Variants in NT5DC3 observed in about 807,000 individuals in gnomAD.
The protein encoded by NT5DC3 is 5'-nucleotidase domain containing 3.
In NT5DC3, 42 loss-of-function variants were observed where a neutral mutation model predicts 67.8. The observed-to-expected ratio is 0.62, with a 90% CI of 0.48 to 0.80. NT5DC3 has a LOEUF of 0.80. Ranked by LOEUF, NT5DC3 falls within the 30% of genes least tolerant of loss-of-function variation. The probability of loss-of-function intolerance (pLI) is 0.00; values close to 1 mark genes in which losing one functional copy is unlikely to be tolerated. For missense variants in NT5DC3, 570 were observed against 696.4 expected (o/e 0.82, Z 2.04); for synonymous variants, 237 against 255.6 (o/e 0.93, Z 0.69).
intron 5 of NT5DC3, 91 bp from the exon 6 acceptor site, chr12:103,797,122 C>A: frequency 7.5e-7 from 1 of 1,334,630 alleles, no homozygotes; most frequent in Non-Finnish European, 1.1e-6. Flanking sequence ...AAGCCTTTTC[C>A]GTGACTAAAC....
At chr12:103,758,847 C>T in the NT5DC3 span, among the ~76,000 whole-genome samples, 1 of 152,044 alleles carries the variant, frequency 6.6e-6, no homozygotes, top group South Asian at 2.1e-4. Flanking sequence ...CCACCAGCCA[C>T]CTGAGGGCTG....
the NT5DC3 span, among the ~76,000 whole-genome samples, chr12:103,747,267 T>G: frequency 6.6e-5 from 10 of 152,338 alleles, 1 homozygote; most frequent in Admixed American, 2.0e-4. Context: ...TATCCCTCTA[T>G]AGTAGTTAGG....
chr12:103,755,178 G>A, the NT5DC3 span: 1 of 1,331,302 alleles, frequency 7.5e-7, no homozygotes, highest in Non-Finnish European at 1.0e-6. Context: ...CAGGCACAGA[G>A]GTGCAATAGG....
At chr12:103,804,265 C>A (rs1296268653) in intron 4 of NT5DC3, among the ~76,000 whole-genome samples, 1 of 152,130 alleles carries the variant, frequency 6.6e-6, no homozygotes, top group African/African-American at 2.4e-5. Flanking sequence ...GACATTTCCA[C>A]AAGACACTGG....
downstream of NT5DC3, chr12:103,770,317 A>G (rs1885152529): frequency 6.6e-6 from 1 of 152,258 alleles, no homozygotes; most frequent in African/African-American, 2.4e-5. Context: ...TTACAATAAA[A>G]TACATACTTG....
Position 103,793,196 on chromosome 12 carries a change from A to C in NT5DC3, c.987T>G (p.Ala329=). The change falls in exon 9 of 14, where the codon GCT becomes GCG. Residue 329 remains alanine, a synonymous_variant. Coordinates refer to ENST00000392876, the MANE Select transcript of NT5DC3 (RefSeq NM_001031701.3). ...TATCATTAAAGAAGTTTGGCTTCTC[A>C]GCCTGAACAATGACCACATCGAACA... ...RDLFDVVIVQ[A]EKPNFFNDKR... 1 of 1,606,954 alleles carries C rather than the reference A, an allele frequency of 6.2e-7. No individual in the cohort carries two copies. The highest frequency in any genetic ancestry group is 8.5e-7 in the Non-Finnish European group (1 of 1,178,536).
chr12:103,785,556 C>T, intron 11 of NT5DC3, 81 bp from the exon 12 acceptor site: 1 of 1,395,212 alleles, frequency 7.2e-7, no homozygotes, highest in African/African-American at 1.4e-5. Flanking sequence ...ACATGAGAGG[C>T]ATTCATTTAA....
rs148989906 is a variant in NT5DC3, at chr12:103,773,445, A to G, written c.*4384T>C. The G allele has an allele frequency of 1.6e-4, 24 of 152,328 alleles. 1 individual carries two copies. The East Asian group carries it at 4.6e-3, about 29-fold the overall frequency. 9.4% of individuals were successfully genotyped at this position (152,328 alleles called of 1,614,324 possible). A position where few individuals can be genotyped will look rare whatever the true frequency, so the allele number is the denominator to read the frequency against. On this transcript the variant is annotated 3_prime_UTR_variant, in exon 14 of 14. Coordinates refer to ENST00000392876, the MANE Select transcript of NT5DC3 (RefSeq NM_001031701.3). ...TCAAAGGTTAGCTGAACTTTGAGCT[A>G]AGCTCCTAAATGACACTAGTAGTGT...
chr12:103,791,880 AAC>A (rs1351806892), intron 9 of NT5DC3, among the ~76,000 whole-genome samples: 10 of 152,210 alleles, frequency 6.6e-5, no homozygotes, highest in Non-Finnish European at 1.5e-5. Flanking sequence ...TCTCAGGTAG[AAC>A]AGTTTCATCC....
intron 6 of NT5DC3, among the ~76,000 whole-genome samples, chr12:103,794,524 C>A (rs149591015): frequency 1.3e-5 from 2 of 152,174 alleles, no homozygotes; most frequent in African/African-American, 4.8e-5. Flanking sequence ...ATTTCCAATG[C>A]AATTTTCAAA....
downstream of NT5DC3, chr12:103,766,517 C>T: frequency 3.1e-6 from 2 of 646,164 alleles, no homozygotes; most frequent in South Asian, 2.0e-5. Flanking sequence ...TGTGCCCACC[C>T]AGTACAGCTT....
At chr12:103,794,728 G>C (rs903527815) in intron 6 of NT5DC3, among the ~76,000 whole-genome samples, 6 of 152,240 alleles carry the variant, frequency 3.9e-5, no homozygotes, top group Non-Finnish European at 8.8e-5. Context: ...ATGAGAGGCA[G>C]AGACAAATAG....
intron 9 of NT5DC3, among the ~76,000 whole-genome samples, chr12:103,791,342 GGTGA>G (rs1359500447): frequency 6.6e-6 from 1 of 151,986 alleles, no homozygotes; most frequent in East Asian, 1.9e-4. Flanking sequence ...CTAAGAAAAT[GGTGA>G]GGGCATCATA....
At chr12:103,799,804 C>CAAAAAAAAAAAAAAAA (rs72379630) in intron 4 of NT5DC3, among the ~76,000 whole-genome samples, 6 of 131,560 alleles carry the variant, frequency 4.6e-5, no homozygotes, top group Non-Finnish European at 6.3e-5. Context: ...CTCCACATAC[C>CAAAAAAAAAAAAAAAA]AAAAAAAAAA....
chr12:103,803,859 A>AC (rs10652483), intron 4 of NT5DC3, among the ~76,000 whole-genome samples: 25,783 of 138,862 alleles, frequency 0.19, 2,373 homozygotes, highest in African/African-American at 0.25. Flanking sequence ...ATTCATTACC[A>AC]CCCCCCCCCC....
intron 4 of NT5DC3, among the ~76,000 whole-genome samples, chr12:103,800,640 T>G (rs4964794): frequency 6.6e-6 from 1 of 152,070 alleles, no homozygotes; most frequent in Non-Finnish European, 1.5e-5. Flanking sequence ...CTGCATCGAA[T>G]GAAGAGCCAA....
At position 103,840,995 on chromosome 12, in the gene NT5DC3, C is replaced by A; in HGVS notation, c.162G>T (p.Lys54Asn). 2 of 1,320,192 alleles carry A rather than the reference C, an allele frequency of 1.5e-6. No homozygotes were observed. The highest frequency in any genetic ancestry group is 2.2e-5 in the South Asian group (1 of 45,820). The allele number at this position is 1,320,192 out of a possible 1,614,324, so 81.8% of individuals were successfully genotyped here. Reference protein sequence around the residue: ...CTAPGTAPDMKRYLWERYREA... With the variant: ...CTAPGTAPDMNRYLWERYREA... ...CCCGGTAGCGCTCCCACAGGTAGCG[C>A]TTCATGTCCGGGGCGGTCCCGGGTG... The change falls in exon 1 of 14, where the codon AAG becomes AAT. Residue 54 changes from lysine (K) to asparagine (N), a missense_variant. Lys to Asn is a moderately conservative substitution (Grantham distance 94, BLOSUM62 0). This residue lies in a region of NT5DC3 where 104 missense variants were observed against 88.4 expected (regional missense o/e 1.18). Coordinates refer to ENST00000392876, the MANE Select transcript of NT5DC3 (RefSeq NM_001031701.3).
In NT5DC3 at chr12:103,790,681, G is replaced by C. The variant is rs958502844; in HGVS notation, c.1020-1762C>G. Among the ~76,000 whole-genome samples, 3 of 144,286 alleles carry C rather than the reference G, an allele frequency of 2.1e-5. No homozygotes were observed. The Admixed American group carries it at 2.1e-4, about 10-fold the overall frequency. 94.7% of individuals were successfully genotyped at this position (144,286 alleles called of 152,430 possible). Reference sequence around the variant, plus strand: ...TTATAGGTGTGAGCCACGGCACCCCGGCCCAAGTACATCTTTTTTTTTTTT... The same window carrying C: ...TTATAGGTGTGAGCCACGGCACCCCCGCCCAAGTACATCTTTTTTTTTTTT... On this transcript the variant is annotated intron_variant, in intron 9 of 13. Coordinates refer to ENST00000392876, the MANE Select transcript of NT5DC3 (RefSeq NM_001031701.3).
intron 13 of NT5DC3, among the ~76,000 whole-genome samples, chr12:103,779,738 A>G (rs1885470550): frequency 6.6e-6 from 1 of 152,234 alleles, no homozygotes; most frequent in Non-Finnish European, 1.5e-5. Flanking sequence ...AGTGGTATAA[A>G]GCATCCTTCT....
Sources: gnomAD v4.1 joint callset for allele counts (sites outside exome capture counted in the v4.1 genomes callset) on GRCh38, gnomAD v4.1.1 for gene constraint, gnomAD v4.1.1 regional missense constraint, MANE v1.5 for transcripts, NCBI Gene and HGNC (gene_info 2026-07-23, HGNC 2026-07-21) for gene names.